The following MYL4 variants were observed in gnomAD, a reference collection of about 807,000 sequenced individuals.
MYL4 encodes the protein myosin light chain 4, also known as atrial myosin light chain 1.
Under a neutral mutation model 21.6 loss-of-function variants are expected in MYL4, and 16 were observed. The ratio of observed to expected loss-of-function variants is 0.74; its 90% CI spans 0.50 to 1.12. The LOEUF (loss-of-function observed/expected upper bound fraction) is 1.12. MYL4 is among the 50% of genes most tolerant of loss of function. MYL4 has a pLI of 0.00. For synonymous variants in MYL4, 82 were observed against 95.7 expected (o/e 0.86, Z 0.83); for missense variants, 249 against 252.9 (o/e 0.98, Z 0.11).
upstream of MYL4, among the ~76,000 whole-genome samples, chr17:47,208,239 A>C (rs1158732222): frequency 1.3e-5 from 2 of 152,050 alleles, no homozygotes; most frequent in Non-Finnish European, 2.9e-5. Context: ...ATTTAGCAAG[A>C]CCTCATCTCT....
chr17:47,226,404 C>T (rs944570138), downstream of MYL4, among the ~76,000 whole-genome samples: 1 of 152,212 alleles, frequency 6.6e-6, no homozygotes, highest in African/African-American at 2.4e-5. Flanking sequence ...GAGGTCATAG[C>T]TCACTTACTA....
chr17:47,213,776 CACT>C lies in MYL4; in HGVS notation c.136-18_136-16del, dbSNP rs763975038. ...AACTGCTTTTAGCAATCCAAGCCCT[CACT>C]ACTATTTCCCTCCCTACAGATAGAC... On this transcript the variant is annotated intron_variant, in intron 1 of 6. Transcript: ENST00000393450. 3 of 1,613,898 alleles carry C rather than the reference CACT, an allele frequency of 1.9e-6. No homozygotes were observed. The highest frequency in any genetic ancestry group is 8.5e-7 in the Non-Finnish European group (1 of 1,179,812).
At chr17:47,216,719 A>T (rs1598656661) in intron 2 of MYL4, among the ~76,000 whole-genome samples, 1 of 139,052 alleles carries the variant, frequency 7.2e-6, no homozygotes. Context: ...TTTGAGACAG[A>T]GTTTTGCGCT....
At chr17:47,197,727 C>T (rs1157606663), upstream of MYL4, among the ~76,000 whole-genome samples, 2 of 152,112 alleles carry the variant, frequency 1.3e-5, no homozygotes, top group Non-Finnish European at 2.9e-5. Flanking sequence ...ATAGCTTTGC[C>T]CAACTGTAGG....
intron 1 of MYL4, among the ~76,000 whole-genome samples, chr17:47,203,412 C>G (rs2064716472): frequency 6.6e-6 from 1 of 152,020 alleles, no homozygotes; most frequent in African/African-American, 2.4e-5. Flanking sequence ...CCAGCTATAT[C>G]TATTCTGCCA....
chr17:47,204,523 T>C (rs576546322), upstream of MYL4, among the ~76,000 whole-genome samples: 1 of 152,258 alleles, frequency 6.6e-6, no homozygotes, highest in South Asian at 2.1e-4. Flanking sequence ...CACAACTACC[T>C]TGTAGTTATA....
intron 2 of MYL4, 84 bp from the exon 3 acceptor site, chr17:47,219,820 A>G: frequency 1.3e-6 from 2 of 1,528,354 alleles, no homozygotes; most frequent in Non-Finnish European, 1.8e-6. Flanking sequence ...CTCACCTGCT[A>G]TTCAGCTTGG....
At chr17:47,189,437 A>G in the MYL4 span, 2 of 558,710 alleles carry the variant, frequency 3.6e-6, no homozygotes, top group African/African-American at 3.8e-5. Flanking sequence ...GAAATTGTCG[A>G]AGATTACCGG....
At chr17:47,198,412 A>G (rs1274150660), upstream of MYL4, among the ~76,000 whole-genome samples, 2 of 152,060 alleles carry the variant, frequency 1.3e-5, no homozygotes, top group Non-Finnish European at 2.9e-5. Context: ...GATAAAAAAT[A>G]TCTATAGCAT....
Position 47,221,869 on chromosome 17 carries a change from G to A in MYL4, c.487+14G>A, listed in dbSNP as rs1282938957. 5.6e-6 allele frequency: 9 copies of A among 1,609,496 alleles called. No individual in the cohort carries two copies. Among genetic ancestry groups the A allele is most frequent in the Non-Finnish European group, 6.8e-6 (8 of 1,177,106 alleles). On this transcript the variant is annotated intron_variant, in intron 4 of 6. Coordinates refer to ENST00000393450, the MANE Select transcript of MYL4 (RefSeq NM_002476.2). ...TTGCCACCCTGGGTATGCCAGCTGG[G>A]CAGAGATGAAGACCAAGTGGGAGGA...
upstream of MYL4, among the ~76,000 whole-genome samples, chr17:47,207,852 G>A (rs73327197): frequency 0.015 from 2,347 of 152,230 alleles, 51 homozygotes; most frequent in African/African-American, 0.054. Flanking sequence ...GCAAATTGCT[G>A]TTATCCTCCC....
At chr17:47,198,567 G>A (rs562814982), upstream of MYL4, among the ~76,000 whole-genome samples, 120 of 152,296 alleles carry the variant, frequency 7.9e-4, no homozygotes, top group African/African-American at 2.6e-3. Context: ...AGTTTACACC[G>A]TAGCTGTCTT....
At chr17:47,202,930 T>C (rs2064714784) in intron 1 of MYL4, among the ~76,000 whole-genome samples, 2 of 152,156 alleles carry the variant, frequency 1.3e-5, no homozygotes, top group East Asian at 1.9e-4. Flanking sequence ...TTTTCTTTCC[T>C]TGAAGCTTAA....
intron 1 of MYL4, among the ~76,000 whole-genome samples, chr17:47,203,165 G>T (rs2149038568): frequency 6.6e-6 from 1 of 152,232 alleles, no homozygotes; most frequent in Middle Eastern, 3.4e-3. Flanking sequence ...TGGCCAGGCT[G>T]GTCTTGAACT....
chr17:47,221,539 C>T, intron 3 of MYL4, 143 bp from the exon 4 acceptor site: 3 of 845,818 alleles, frequency 3.5e-6, no homozygotes, highest in African/African-American at 1.7e-5. Flanking sequence ...CCTCTAGGAG[C>T]ACTAATGGGT....
At chr17:47,222,627 C>T (rs982460830) in intron 5 of MYL4, among the ~76,000 whole-genome samples, 170 bp downstream of exon 5, 6 of 151,954 alleles carry the variant, frequency 3.9e-5, no homozygotes, top group Admixed American at 1.3e-4. Flanking sequence ...AGTGTAATGG[C>T]GGGAGCATGG....
intron 1 of MYL4, among the ~76,000 whole-genome samples, chr17:47,209,977 A>G (rs2149041168): frequency 2.0e-5 from 3 of 152,280 alleles, no homozygotes. Flanking sequence ...TGTAACTTGG[A>G]GTAAGTGATA....
In MYL4 at chr17:47,219,975, G is replaced by A. The variant is rs748072025; in HGVS notation, c.235G>A (p.Gly79Arg). Reference sequence around the variant, plus strand: ...GATGAAGATCACCTACGGCCAGTGCGGGGATGTACTGCGGGCCCTGGGCCA... The same window carrying A: ...GATGAAGATCACCTACGGCCAGTGCAGGGATGTACTGCGGGCCCTGGGCCA... The part of the protein sequence containing the change: ...GEMKITYGQC[G>R]DVLRALGQNP... The change falls in exon 3 of 7, where the codon GGG (glycine) becomes AGG (arginine). Residue 79 changes from glycine (G) to arginine (R), a missense_variant. Coordinates refer to ENST00000393450, the MANE Select transcript of MYL4 (RefSeq NM_002476.2). 9.9e-6 allele frequency: 16 copies of A among 1,614,078 alleles called. No homozygotes were observed. Among genetic ancestry groups the A allele is most frequent in the Admixed American group, 3.3e-5 (2 of 60,008 alleles).
At chr17:47,195,151 C>A in the MYL4 span, among the ~76,000 whole-genome samples, 2 of 150,840 alleles carry the variant, frequency 1.3e-5, no homozygotes, top group Non-Finnish European at 1.5e-5. Context: ...CTCTGCCTCC[C>A]GGGTTCAAGC....
Sources: allele counts gnomAD v4.1 joint callset (sites outside exome capture counted in the v4.1 genomes callset), GRCh38; gene constraint gnomAD v4.1.1; transcripts MANE v1.5; gene names NCBI Gene and HGNC (gene_info 2026-07-23, HGNC 2026-07-21).